ME3: variants seen among roughly 807,000 people sequenced by gnomAD.
ME3 encodes malic enzyme 3, also known as NADP-dependent malic enzyme, mitochondrial.
Under a neutral mutation model 68.9 loss-of-function variants are expected in ME3, and 48 were observed. The ratio of observed to expected loss-of-function variants is 0.70; its 90% CI spans 0.55 to 0.89. The LOEUF is 0.89. ME3 is among the 40% of genes least tolerant of loss of function. The pLI, the probability that ME3 is intolerant of heterozygous loss-of-function variation, is 0.00. For synonymous variants in ME3, 320 were observed against 318.8 expected, an observed-to-expected ratio of 1.00 and a Z score of -0.04; for missense variants, 675 against 797.4, an observed-to-expected ratio of 0.85 and a Z score of 1.85.
intron 5 of ME3, among the ~76,000 whole-genome samples, chr11:86,501,794 G>T (rs768880717): frequency 2.0e-5 from 3 of 152,168 alleles, no homozygotes; most frequent in Non-Finnish European, 4.4e-5. Context: ...TCTGCTGATT[G>T]TGCCTGCTTC....
chr11:86,613,446 C>CAT, intron 2 of ME3, among the ~76,000 whole-genome samples: 1 of 152,222 alleles, frequency 6.6e-6, no homozygotes. Flanking sequence ...TACTTTTCAA[C>CAT]ATAGTATTGG....
chr11:86,449,643 A>C (rs1370762047), intron 10 of ME3, among the ~76,000 whole-genome samples: 1 of 152,238 alleles, frequency 6.6e-6, no homozygotes, highest in Non-Finnish European at 1.5e-5. Flanking sequence ...GCTGGAGGCT[A>C]GTGCAAGTCA....
chr11:86,523,833 T>C (rs1262934084), intron 4 of ME3, among the ~76,000 whole-genome samples: 1 of 152,188 alleles, frequency 6.6e-6, no homozygotes, highest in African/African-American at 2.4e-5. Flanking sequence ...AAATTTCAGC[T>C]GAAATTGACA....
At chr11:86,604,638 C>T (rs756682454) in intron 2 of ME3, among the ~76,000 whole-genome samples, 2 of 152,196 alleles carry the variant, frequency 1.3e-5, no homozygotes, top group Non-Finnish European at 2.9e-5. Flanking sequence ...ATATCTATAA[C>T]TCAATTTAGT....
chr11:86,442,210 T>G (rs2138576566), intron 14 of ME3, among the ~76,000 whole-genome samples: 1 of 152,330 alleles, frequency 6.6e-6, no homozygotes, highest in South Asian at 2.1e-4. Flanking sequence ...ACCCATCATC[T>G]CTGCACAGTC....
At chr11:86,481,565 A>G (rs755566233) in intron 7 of ME3, among the ~76,000 whole-genome samples, 17 of 152,166 alleles carry the variant, frequency 1.1e-4, no homozygotes, top group Non-Finnish European at 2.4e-4. Context: ...GCTTTGCTCC[A>G]GAGTGTATTG....
intron 7 of ME3, among the ~76,000 whole-genome samples, chr11:86,485,054 C>G (rs1301523976): frequency 6.6e-6 from 1 of 152,208 alleles, no homozygotes. Context: ...TGAACTCTTT[C>G]TGTGACAGGG....
intron 5 of ME3, among the ~76,000 whole-genome samples, chr11:86,507,695 T>C (rs1953187047): frequency 1.3e-5 from 2 of 152,156 alleles, no homozygotes; most frequent in Non-Finnish European, 2.9e-5. Context: ...GTATAAAAAT[T>C]AACATCACTA....
At position 86,561,712 on chromosome 11, in the gene ME3, T is replaced by C. The variant is rs139667507; in HGVS notation, c.184-1889A>G. On this transcript the variant is annotated intron_variant, in intron 2 of 14. Coordinates refer to ENST00000543262, the Ensembl canonical transcript of ME3. ...TTTCAAAATGGTTAACCTGTACCACTGTGGGAAACAACTTTATAAATTAGA... is the reference window on the plus strand; with the variant it reads ...TTTCAAAATGGTTAACCTGTACCACCGTGGGAAACAACTTTATAAATTAGA... Among the ~76,000 whole-genome samples, 59 of 152,356 alleles carry C rather than the reference T, an allele frequency of 3.9e-4. No individual in the cohort carries two copies. In the East Asian group the frequency reaches 0.011, roughly 28 times the overall value.
At chr11:86,517,997 C>T (rs965039051) in intron 4 of ME3, among the ~76,000 whole-genome samples, 1 of 152,138 alleles carries the variant, frequency 6.6e-6, no homozygotes, top group African/African-American at 2.4e-5. Context: ...GGAACATGAC[C>T]TAGGGCTTGG....
intron 2 of ME3, among the ~76,000 whole-genome samples, chr11:86,589,259 A>T (rs1958915119): frequency 6.6e-6 from 1 of 151,826 alleles, no homozygotes; most frequent in African/African-American, 2.4e-5. Context: ...TTAAACTCTT[A>T]GGTTTCCTCA....
intron 4 of ME3, among the ~76,000 whole-genome samples, chr11:86,519,919 G>A (rs1325558498): frequency 6.6e-6 from 1 of 152,262 alleles, no homozygotes; most frequent in African/African-American, 2.4e-5. Flanking sequence ...TCAGGGACGT[G>A]TGACTGAAGT....
intron 2 of ME3, among the ~76,000 whole-genome samples, chr11:86,615,567 C>A (rs572471477): frequency 2.0e-5 from 3 of 152,268 alleles, no homozygotes; most frequent in African/African-American, 7.2e-5. Flanking sequence ...GATCACAGAG[C>A]TAATAAGAGT....
intron 4 of ME3, among the ~76,000 whole-genome samples, chr11:86,541,299 C>A (rs887622503): frequency 6.6e-6 from 1 of 152,078 alleles, no homozygotes; most frequent in Non-Finnish European, 1.5e-5. Flanking sequence ...GTGAGAGAAC[C>A]GTTCACTTGC....
At chr11:86,642,384 G>C (rs185392559) in intron 2 of ME3, among the ~76,000 whole-genome samples, 1 of 152,306 alleles carries the variant, frequency 6.6e-6, no homozygotes, top group Admixed American at 6.5e-5. Context: ...TCCACAAAAT[G>C]ACAAAAATGC....
chr11:86,546,486 C>T (rs941435797), intron 4 of ME3, among the ~76,000 whole-genome samples: 4 of 152,080 alleles, frequency 2.6e-5, no homozygotes, highest in Non-Finnish European at 4.4e-5. Context: ...ACAGACAACC[C>T]CATCAAAAAG....
intron 2 of ME3, among the ~76,000 whole-genome samples, chr11:86,624,102 A>G (rs1313793159): frequency 6.6e-6 from 1 of 152,158 alleles, no homozygotes; most frequent in South Asian, 2.1e-4. Flanking sequence ...AGTTTAATAT[A>G]AACTTTGGGA....
chr11:86,520,622 G>A (rs558778555), intron 4 of ME3, among the ~76,000 whole-genome samples: 7 of 152,236 alleles, frequency 4.6e-5, no homozygotes, highest in Admixed American at 1.3e-4. Context: ...CCCTTTCTCT[G>A]CCTCCCTCTT....
chr11:86,665,043 T>C (rs1175023383), intron 2 of ME3, among the ~76,000 whole-genome samples: 1 of 152,120 alleles, frequency 6.6e-6, no homozygotes, highest in Non-Finnish European at 1.5e-5. Flanking sequence ...AGAAGGGGCC[T>C]TGGCAAAAGG....
Sources: gnomAD v4.1 joint callset for allele counts (sites outside exome capture counted in the v4.1 genomes callset) on GRCh38, gnomAD v4.1.1 for gene constraint, MANE v1.5 for transcripts, NCBI Gene and HGNC (gene_info 2026-07-23, HGNC 2026-07-21) for gene names.